LRRN2: variants seen among roughly 807,000 people sequenced by gnomAD.
The protein encoded by LRRN2 is leucine rich repeat neuronal 2.
Under a neutral mutation model 35.7 loss-of-function variants are expected in LRRN2, and 10 were observed. The observed-to-expected ratio is 0.28, with a 90% CI of 0.17 to 0.47. The LOEUF is 0.47. Among genes scored for constraint, LRRN2 ranks in the 20% least tolerant of loss-of-function variants. The probability of loss-of-function intolerance (pLI) is 0.99; values close to 1 mark genes in which losing one functional copy is unlikely to be tolerated. For synonymous variants in LRRN2, 391 were observed against 409.6 expected, an observed-to-expected ratio of 0.95 and a Z score of 0.55; for missense variants, 731 against 940.3, an observed-to-expected ratio of 0.78 and a Z score of 2.91.
At chr1:204,662,309 T>C (rs542390106) in intron 1 of LRRN2, among the ~76,000 whole-genome samples, 2 of 152,286 alleles carry the variant, frequency 1.3e-5, no homozygotes, top group South Asian at 4.1e-4. Flanking sequence ...GGGAGCTACA[T>C]ACAGGGAGTG....
intron 1 of LRRN2, among the ~76,000 whole-genome samples, chr1:204,675,220 G>A (rs1205910983): frequency 6.6e-6 from 1 of 152,180 alleles, no homozygotes; most frequent in Non-Finnish European, 1.5e-5. Flanking sequence ...TGGCTGGGAG[G>A]TCAGAAGGAG....
At chr1:204,633,418 C>G (rs768102634) in intron 1 of LRRN2, among the ~76,000 whole-genome samples, 6 of 152,162 alleles carry the variant, frequency 3.9e-5, no homozygotes, top group Non-Finnish European at 8.8e-5. Flanking sequence ...AAGATCACAC[C>G]TAAACAAGTA....
intron 1 of LRRN2, among the ~76,000 whole-genome samples, chr1:204,662,490 T>C (rs1401584206): frequency 2.0e-5 from 3 of 152,240 alleles, no homozygotes; most frequent in South Asian, 4.1e-4. Flanking sequence ...CAGTGGAATC[T>C]GAACTCGGCT....
chr1:204,638,700 G>A (rs995573797), intron 1 of LRRN2, among the ~76,000 whole-genome samples: 10 of 152,090 alleles, frequency 6.6e-5, no homozygotes, highest in Admixed American at 2.6e-4. Context: ...GTGAGCCACC[G>A]CGCCCGGCCA....
intron 1 of LRRN2, among the ~76,000 whole-genome samples, chr1:204,623,208 A>C (rs1667048636): frequency 6.6e-6 from 1 of 152,088 alleles, no homozygotes; most frequent in Non-Finnish European, 1.5e-5. Context: ...CATCTCCCTG[A>C]CCTTTAGACC....
chr1:204,638,480 C>G (rs572422867), intron 1 of LRRN2, among the ~76,000 whole-genome samples: 6 of 129,646 alleles, frequency 4.6e-5, no homozygotes, highest in African/African-American at 1.8e-4. Context: ...GGTGCGATCT[C>G]GGTTCACTGC....
intron 1 of LRRN2, among the ~76,000 whole-genome samples, chr1:204,671,401 GTT>G (rs879629462): frequency 0.023 from 2,136 of 92,206 alleles, 25 homozygotes; most frequent in Middle Eastern, 0.037. Flanking sequence ...CTGTTTGTGT[GTT>G]TGTGTGTGTG....
chr1:204,648,748 C>T (rs1020739430), intron 1 of LRRN2, among the ~76,000 whole-genome samples: 6 of 152,210 alleles, frequency 3.9e-5, no homozygotes, highest in Non-Finnish European at 1.5e-5. Context: ...CCCATCCCTG[C>T]CCTCCAGGAC....
chr1:204,639,514 C>T (rs1458601227), intron 1 of LRRN2, among the ~76,000 whole-genome samples: 1 of 152,068 alleles, frequency 6.6e-6, no homozygotes, highest in Non-Finnish European at 1.5e-5. Flanking sequence ...GTGGTGCACA[C>T]TTGTAGTCCA....
At chr1:204,636,853 T>TA (rs1327596464) in intron 1 of LRRN2, among the ~76,000 whole-genome samples, 6 of 152,028 alleles carry the variant, frequency 3.9e-5, no homozygotes, top group African/African-American at 7.3e-5. Context: ...CACACGGTGT[T>TA]AAAAAAAACT....
chr1:204,640,677 C>G (rs1667957278), intron 1 of LRRN2, among the ~76,000 whole-genome samples: 1 of 152,086 alleles, frequency 6.6e-6, no homozygotes, highest in Non-Finnish European at 1.5e-5. Context: ...CCCATGAGGC[C>G]CTGAGGTTTC....
At chr1:204,660,288 G>T (rs1054342119) in intron 1 of LRRN2, among the ~76,000 whole-genome samples, 6 of 151,772 alleles carry the variant, frequency 4.0e-5, no homozygotes, top group Non-Finnish European at 1.5e-5. Flanking sequence ...CCTGTTTATA[G>T]ATGTGTCTCC....
At chr1:204,645,208 C>T (rs1668078374) in intron 1 of LRRN2, among the ~76,000 whole-genome samples, 1 of 152,196 alleles carries the variant, frequency 6.6e-6, no homozygotes. Context: ...GGCTTATTTG[C>T]CCAGAGGCAT....
intron 1 of LRRN2, among the ~76,000 whole-genome samples, chr1:204,631,198 C>T (rs1199675974): frequency 1.5e-5 from 2 of 137,118 alleles, no homozygotes; most frequent in African/African-American, 5.5e-5. Flanking sequence ...CATCTCTAAC[C>T]TCCTCTCCAG....
chr1:204,676,407 C>A (rs968505231), intron 1 of LRRN2, among the ~76,000 whole-genome samples: 2 of 152,140 alleles, frequency 1.3e-5, no homozygotes. Context: ...CTTTCCAGGC[C>A]CATAATGATC....
At chr1:204,661,393 G>A (rs2782521) in intron 1 of LRRN2, among the ~76,000 whole-genome samples, 143,888 of 152,220 alleles carry the variant, frequency 0.95, 68,127 homozygotes, top group East Asian at 1. Context: ...AGTTGCCCAC[G>A]TGATTTGTTT....
At chr1:204,669,613 A>G (rs1668664278) in intron 1 of LRRN2, among the ~76,000 whole-genome samples, 1 of 152,224 alleles carries the variant, frequency 6.6e-6, no homozygotes, top group South Asian at 2.1e-4. Flanking sequence ...TTTTCTAAGG[A>G]AGGGCTACTT....
intron 1 of LRRN2, among the ~76,000 whole-genome samples, chr1:204,638,936 C>T (rs903900365): frequency 7.9e-5 from 12 of 152,246 alleles, no homozygotes; most frequent in South Asian, 6.2e-4. Flanking sequence ...TTGGGGGCTC[C>T]GTGAGCCTGC....
rs1366835850 is a variant in LRRN2 at position 204,618,701 on chromosome 1, G to A, written c.1292C>T (p.Pro431Leu). 2 of 1,599,418 alleles carry A rather than the reference G, an allele frequency of 1.3e-6. No homozygotes were observed. Among genetic ancestry groups the A allele is most frequent in the Non-Finnish European group, 1.7e-6 (2 of 1,171,450 alleles). The change falls in exon 2 of 2, where the codon CCA becomes CTA. Residue 431 changes from proline (P) to leucine (L), a missense_variant. By Grantham distance (98) the Pro-to-Leu change is moderately conservative (BLOSUM62 -3). Transcript: ENST00000367177. ...CTCTCCACTGGCTACCTGGAGGCTT[G>A]GGGGGAAGCTTCGTGGGGAGATGAG... ...LPLISPRSFP[P>L]SLQVASGESM...
Sources: allele counts gnomAD v4.1 joint callset (sites outside exome capture counted in the v4.1 genomes callset), GRCh38; gene constraint gnomAD v4.1.1; transcripts MANE v1.5; gene names NCBI Gene and HGNC (gene_info 2026-07-23, HGNC 2026-07-21).